The following CACNB4 variants were observed in gnomAD, a reference collection of about 807,000 sequenced individuals.
CACNB4 encodes calcium voltage-gated channel auxiliary subunit beta 4.
CACNB4 carries 32 observed loss-of-function variants against 71.2 expected under a neutral mutation model. The ratio of observed to expected loss-of-function variants is 0.45; its 90% CI spans 0.34 to 0.60. The LOEUF is 0.60. CACNB4 is among the 20% of genes least tolerant of loss of function. The pLI, the probability that CACNB4 is intolerant of heterozygous loss-of-function variation, is 0.01. For synonymous variants in CACNB4, 231 were observed against 236.9 expected (o/e 0.97, Z 0.23); for missense variants, 464 against 647.9 (o/e 0.72, Z 3.08).
chr2:152,018,836 C>G (rs1579139379), intron 2 of CACNB4, among the ~76,000 whole-genome samples: 1 of 141,374 alleles, frequency 7.1e-6, no homozygotes, highest in Non-Finnish European at 1.6e-5. Flanking sequence ...CACACACACA[C>G]ACAGACAAAG....
chr2:151,925,630 G>A (rs1263246345), intron 2 of CACNB4, among the ~76,000 whole-genome samples: 1 of 149,188 alleles, frequency 6.7e-6, no homozygotes, highest in Non-Finnish European at 1.5e-5. Context: ...AAAGGAGTAG[G>A]GTGGATAGGT....
At chr2:151,934,882 C>T (rs7581344) in intron 2 of CACNB4, among the ~76,000 whole-genome samples, 122,227 of 152,242 alleles carry the variant, frequency 0.8, 52,690 homozygotes, top group Non-Finnish European at 0.97. Context: ...ATCCACATTC[C>T]ATACAGAAAT....
intron 2 of CACNB4, among the ~76,000 whole-genome samples, chr2:152,012,635 A>G (rs1404310580): frequency 6.6e-6 from 1 of 152,026 alleles, no homozygotes; most frequent in Non-Finnish European, 1.5e-5. Context: ...AAAGTAAAAG[A>G]AAAAAGTTCA....
At chr2:151,869,959 C>T in intron 8 of CACNB4, 1 of 488,062 alleles carries the variant, frequency 2.0e-6, no homozygotes, top group South Asian at 3.0e-5. Flanking sequence ...TCAAAACAAA[C>T]ATCTGAAACG....
chr2:152,059,760 T>C (rs909725236), intron 2 of CACNB4, among the ~76,000 whole-genome samples: 5 of 152,126 alleles, frequency 3.3e-5, no homozygotes, highest in African/African-American at 9.7e-5. Context: ...GACATGAAAT[T>C]TGGGAGAGGC....
chr2:152,016,406 T>C (rs902586941), intron 2 of CACNB4, among the ~76,000 whole-genome samples: 4 of 152,242 alleles, frequency 2.6e-5, no homozygotes, highest in Non-Finnish European at 5.9e-5. Context: ...GACTTCTGTA[T>C]GGGATTCCAT....
Position 152,098,586 on chromosome 2 carries a change from T to G in CACNB4, c.64-173A>C, listed in dbSNP as rs1306436155. On this transcript the variant is annotated intron_variant, in intron 1 of 13. Transcript: ENST00000539935. This position sits in a 1 kb window ranked among gnomAD's most constrained non-coding sequence, Gnocchi z 5.3. ...ACAGCCCCCACCCCCACCCACCCAC[T>G]GCAAGCCTCGACTGCTGAAAAGATG... 4.1e-6 allele frequency: 2 copies of G among 489,264 alleles called. No homozygotes were observed. Among genetic ancestry groups the G allele is most frequent in the South Asian group, 3.1e-5 (2 of 64,174 alleles). The allele number at this position is 489,264 out of a possible 1,614,324, so 30.3% of individuals were successfully genotyped here.
At chr2:151,965,528 G>A (rs1248982580) in intron 2 of CACNB4, among the ~76,000 whole-genome samples, 4 of 152,132 alleles carry the variant, frequency 2.6e-5, no homozygotes, top group African/African-American at 7.2e-5. Flanking sequence ...ATTCTGTAAA[G>A]CAAGAAAACA....
chr2:152,065,412 G>C (rs1421729812), intron 2 of CACNB4, among the ~76,000 whole-genome samples: 1 of 151,476 alleles, frequency 6.6e-6, no homozygotes, highest in Non-Finnish European at 1.5e-5. Context: ...GAGAGAGAGA[G>C]AAGTTACATG....
chr2:152,083,515 G>A (rs1030766176), intron 2 of CACNB4, among the ~76,000 whole-genome samples: 3 of 152,110 alleles, frequency 2.0e-5, no homozygotes, highest in East Asian at 3.9e-4. Context: ...CCACAATAAC[G>A]GGTGCTAAAC....
At position 151,853,496 on chromosome 2, in the gene CACNB4, G is replaced by T. The variant is rs560962524; in HGVS notation, c.1068C>A (p.His356Gln). 3.7e-6 allele frequency: 6 copies of T among 1,601,092 alleles called. No homozygotes were observed. In the South Asian group the frequency reaches 5.7e-5, roughly 15 times the overall value. The change falls in exon 12 of 14, where the codon CAC (histidine) becomes CAA (glutamine). Residue 356 changes from histidine to glutamine, a missense_variant. Physicochemically the swap from His to Gln is conservative, Grantham distance 24. Around this residue, in one of 3 missense-constraint regions of CACNB4, gnomAD observed 299 missense variants for 471.7 expected, o/e 0.63. Coordinates refer to ENST00000539935, the MANE Select transcript of CACNB4 (RefSeq NM_000726.5). ...IKSRGKSQSK[H>Q]LNVQLVAADK... is the part of the protein sequence containing the mutation. Reference sequence around the variant, plus strand: ...CAGCTGCCACCAGTTGAACATTCAAGTGTTTACTTTGTGACTTTCCTCTAG... The same window carrying T: ...CAGCTGCCACCAGTTGAACATTCAATTGTTTACTTTGTGACTTTCCTCTAG...
intron 12 of CACNB4, among the ~76,000 whole-genome samples, chr2:151,847,363 C>CAACAA (rs779775304): frequency 3.0e-4 from 45 of 151,872 alleles, no homozygotes; most frequent in Admixed American, 2.6e-4. Flanking sequence ...GACCCTGTCT[C>CAACAA]AACAAAACAA....
intron 2 of CACNB4, among the ~76,000 whole-genome samples, chr2:152,082,226 A>ATCT (rs1687395885): frequency 6.6e-6 from 1 of 152,224 alleles, no homozygotes; most frequent in Non-Finnish European, 1.5e-5. Context: ...AGAGTTATAA[A>ATCT]TTCCAGCTCT....
chr2:151,962,666 A>G (rs1425921524), intron 2 of CACNB4, among the ~76,000 whole-genome samples: 1 of 152,184 alleles, frequency 6.6e-6, no homozygotes, highest in African/African-American at 2.4e-5. Context: ...TAAAACACAA[A>G]ACGTCTTTGT....
intron 2 of CACNB4, among the ~76,000 whole-genome samples, chr2:151,887,768 T>C (rs1365156974): frequency 6.6e-6 from 1 of 152,184 alleles, no homozygotes; most frequent in African/African-American, 2.4e-5. Flanking sequence ...GATAATAATG[T>C]ATACCTTGTA....
At chr2:151,864,695 T>C (rs2099842634) in intron 9 of CACNB4, among the ~76,000 whole-genome samples, 1 of 152,308 alleles carries the variant, frequency 6.6e-6, no homozygotes, top group Admixed American at 6.5e-5. Flanking sequence ...TTGACCTCAG[T>C]ATCCTAATCA....
intron 2 of CACNB4, among the ~76,000 whole-genome samples, chr2:152,085,340 A>T (rs1687597199): frequency 6.6e-6 from 1 of 152,212 alleles, no homozygotes; most frequent in Non-Finnish European, 1.5e-5. Flanking sequence ...ACTTGCAAGC[A>T]ATAAGTCAAA....
rs1409623664 is a variant in CACNB4, at chr2:151,837,449, T to C, written c.*1670A>G. The C allele has an allele frequency of 6.6e-6, 1 of 151,912 alleles. No homozygotes were observed. The highest frequency in any genetic ancestry group is 6.6e-5 in the Admixed American group (1 of 15,218). 9.4% of individuals were successfully genotyped at this position (151,912 alleles called of 1,614,324 possible). A position where few individuals can be genotyped will look rare whatever the true frequency, so the allele number is the denominator to read the frequency against. ...GAAGATTACTGAACTGGTGCATGCT[T>C]TGAGTGCCTGAATACTGAAAGGCTT... is the stretch of plus-strand genomic sequence containing the variant. On this transcript the variant is annotated 3_prime_UTR_variant, in exon 14 of 14. Transcript: ENST00000539935.
chr2:152,005,165 T>C (rs967570332), intron 2 of CACNB4, among the ~76,000 whole-genome samples: 1 of 152,194 alleles, frequency 6.6e-6, no homozygotes, highest in Non-Finnish European at 1.5e-5. Flanking sequence ...GCAGTTCCAT[T>C]ACTGGGTATC....
Sources: allele counts gnomAD v4.1 joint callset (sites outside exome capture counted in the v4.1 genomes callset), GRCh38; gene constraint gnomAD v4.1.1; regional missense constraint gnomAD v4.1.1; non-coding constraint Gnocchi (gnomAD v3.1); transcripts MANE v1.5; gene names NCBI Gene and HGNC (gene_info 2026-07-23, HGNC 2026-07-21).